Variants in GNE observed in about 807,000 individuals in gnomAD.
GNE encodes bifunctional UDP-N-acetylglucosamine 2-epimerase/N-acetylmannosamine kinase.
A neutral mutation model predicts 61.8 loss-of-function variants in GNE; 41 were observed. The ratio of observed to expected loss-of-function variants is 0.66; its 90% confidence interval spans 0.52 to 0.86. The LOEUF (loss-of-function observed/expected upper bound fraction) is 0.86, where lower values mean the gene tolerates loss of function less well. Ranked by LOEUF, GNE falls within the 40% of genes least tolerant of loss-of-function variation. GNE has a pLI of 0.00. For missense variants in GNE, 608 were observed against 909.1 expected (o/e 0.67, Z 4.26); for synonymous variants, 264 against 326.4 (o/e 0.81, Z 2.06).
At chr9:36,243,938 TTTTTTTGTTATTG>T (rs1363286192) in intron 3 of GNE, among the ~76,000 whole-genome samples, 1 of 141,760 alleles carries the variant, frequency 7.1e-6, no homozygotes. Flanking sequence ...TTCTGTGTTT[TTTTTTTGTTATTG>T]TTTTTTGTTT....
intron 8 of GNE, 68 bp downstream of exon 8, chr9:36,223,305 G>T: frequency 7.3e-7 from 1 of 1,373,330 alleles, no homozygotes; most frequent in Non-Finnish European, 1.0e-6. Context: ...GCTCAGGCAT[G>T]CATCACAAGT....
upstream of GNE, among the ~76,000 whole-genome samples, chr9:36,260,868 CAAAAAAAAAAAAAAAAAAA>C (rs745821430): frequency 3.5e-4 from 34 of 96,022 alleles, no homozygotes; most frequent in African/African-American, 1.1e-3. Context: ...GACTCTATCT[CAAAAAAAAAAAAAAAAAAA>C]AAAAAAAAAA....
At position 36,216,154 on chromosome 9, in the gene GNE, T is replaced by C; in HGVS notation, c.*1211A>G. The C allele has an allele frequency of 2.6e-6, 1 of 378,562 alleles. No homozygotes were observed. The highest frequency in any genetic ancestry group is 5.5e-6 in the Non-Finnish European group (1 of 180,748). The allele number at this position is 378,562 out of a possible 1,614,324, so 23.5% of individuals were successfully genotyped here. A position where few individuals can be genotyped will look rare whatever the true frequency, so the allele number is the denominator to read the frequency against. ...TGATAGATATGTCCAGTGTCTTGAT[T>C]GTGGTGATGCTTTCACAGGTATACA... On this transcript the variant is annotated 3_prime_UTR_variant, in exon 12 of 12. Coordinates refer to ENST00000642385, the MANE Select transcript of GNE (RefSeq NM_005476.7).
At position 36,218,346 on chromosome 9, in the gene GNE, G is replaced by T; in HGVS notation, c.1817-47C>A. On this transcript the variant is annotated intron_variant, in intron 10 of 11. Transcript: ENST00000642385. The surrounding 1 kb of genome is among the most constrained non-coding windows in gnomAD (Gnocchi z 4.1). ...AGCAGTCACTAATGAGCTGTGGGGA[G>T]GCCAAGCTCACCACTGGGCCTGTGG... 7.3e-7 allele frequency: 1 copy of T among 1,374,698 alleles called. No individual in the cohort carries two copies. The highest frequency in any genetic ancestry group is 1.2e-5 in the South Asian group (1 of 86,264). The allele number at this position is 1,374,698 out of a possible 1,614,324, so 85.2% of individuals were successfully genotyped here. A position where few individuals can be genotyped will look rare whatever the true frequency, so the allele number is the denominator to read the frequency against.
rs114686013 is a variant in GNE at position 36,225,785 on chromosome 9, A to T, written c.1281+1463T>A. Among the ~76,000 whole-genome samples, 1,235 of 152,182 alleles carry T rather than the reference A, an allele frequency of 8.1e-3. 18 individuals are homozygous for T. The highest frequency in any genetic ancestry group is 0.028 in the African/African-American group (1,175 of 41,522). On this transcript the variant is annotated intron_variant, in intron 7 of 11. Coordinates refer to ENST00000642385, the MANE Select transcript of GNE (RefSeq NM_005476.7). ...AGGAAGACCTTGTCTCTAAAAAAAA[A>T]TTTTTTTAAATTAAGAGAATAAAAA...
intron 7 of GNE, among the ~76,000 whole-genome samples, chr9:36,225,480 C>A (rs1828819556): frequency 6.6e-6 from 1 of 152,044 alleles, no homozygotes; most frequent in Non-Finnish European, 1.5e-5. Flanking sequence ...ACAAAAAATA[C>A]AAAAATTAGC....
chr9:36,253,794 T>C (rs1026014992), intron 1 of GNE, among the ~76,000 whole-genome samples: 1 of 151,588 alleles, frequency 6.6e-6, no homozygotes, highest in African/African-American at 2.4e-5. Flanking sequence ...TCCCAGCACT[T>C]TGGGAGGCTG....
Position 36,218,212 on chromosome 9 carries a change from T to C in GNE, c.1904A>G (p.Asn635Ser). The C allele has an allele frequency of 1.9e-6, 3 of 1,613,834 alleles. No homozygotes were observed. The highest frequency in any genetic ancestry group is 2.2e-5 in the South Asian group (2 of 91,080). Residue 635 changes from asparagine to serine, a missense_variant, in exon 11 of 12, where the codon AAT becomes AGT. Transcript: ENST00000642385. The surrounding 1 kb of genome is among the most constrained non-coding windows in gnomAD (Gnocchi z 4.1). The stretch of plus-strand genomic sequence containing the variant: ...TCTTAGGATGCTCTGGGCCTTCGCA[T>C]TGCCAAGTTTCGCAGCTTGGATGAG... ...LHLIQAAKLG[N>S]AKAQSILRTA...
At chr9:36,243,934 G>T (rs995797379) in intron 3 of GNE, among the ~76,000 whole-genome samples, 2 of 144,190 alleles carry the variant, frequency 1.4e-5, no homozygotes, top group African/African-American at 5.2e-5. Context: ...TTCTTTCTGT[G>T]TTTTTTTTTT....
intron 4 of GNE, among the ~76,000 whole-genome samples, chr9:36,235,960 T>A (rs1279493136): frequency 6.6e-6 from 1 of 152,162 alleles, no homozygotes; most frequent in Non-Finnish European, 1.5e-5. Flanking sequence ...CCCCATTAAC[T>A]CGCCTAAGGT....
chr9:36,223,499 C>A lies in GNE; in HGVS notation c.1285G>T (p.Glu429Ter). ...AACTGAGTATACTTCTTAACTATTT[C>A]ACCCTAAAAGAGAAAACAACAAGTT... is the stretch of plus-strand genomic sequence containing the variant. ...LRVAIVSMKG[E>*]IVKKYTQFNP... The change falls in exon 8 of 12, where the codon GAA becomes TAA. Residue 429 changes from glutamate to a stop codon, truncating the protein, a stop_gained. Coordinates refer to ENST00000642385, the MANE Select transcript of GNE (RefSeq NM_005476.7). LOFTEE classifies it high-confidence loss of function. The A allele has an allele frequency of 6.2e-7, 1 of 1,609,740 alleles. No homozygotes were observed. The highest frequency in any genetic ancestry group is 8.5e-7 in the Non-Finnish European group (1 of 1,177,214).
upstream of GNE, among the ~76,000 whole-genome samples, chr9:36,261,220 C>T (rs1587372141): frequency 6.6e-6 from 1 of 152,176 alleles, no homozygotes; most frequent in African/African-American, 2.4e-5. Flanking sequence ...TGCAAAGTCC[C>T]TCTTGCCAAG....
chr9:36,222,145 G>A (rs992379230), intron 9 of GNE, among the ~76,000 whole-genome samples: 12 of 152,120 alleles, frequency 7.9e-5, no homozygotes, highest in Admixed American at 5.9e-4. Context: ...TCGGCCGGGC[G>A]CGGTGGCTCA....
At chr9:36,247,945 G>T (rs946703443) in intron 2 of GNE, among the ~76,000 whole-genome samples, 34 of 146,644 alleles carry the variant, frequency 2.3e-4, no homozygotes, top group South Asian at 8.7e-4. Context: ...AGAATCACTT[G>T]AACCCGGGAG....
chr9:36,265,703 TG>T, intron 1 of GNE: 2 of 312,438 alleles, frequency 6.4e-6, no homozygotes, highest in Non-Finnish European at 6.5e-6. Flanking sequence ...CCATGGGAAG[TG>T]GGGGTGGGGA....
At position 36,218,999 on chromosome 9, in the gene GNE, A is replaced by G. The variant is rs2133001385; in HGVS notation, c.1817-700T>C. On this transcript the variant is annotated intron_variant, in intron 10 of 11. Transcript: ENST00000642385. The surrounding 1 kb of genome is among the most constrained non-coding windows in gnomAD (Gnocchi z 4.1). Reference sequence around the variant, plus strand: ...ACTCAGATCAATCTGCCTCCTACTAATCTGCTAGAATATCTGGACCCTGAA... The same window carrying G: ...ACTCAGATCAATCTGCCTCCTACTAGTCTGCTAGAATATCTGGACCCTGAA... Among the ~76,000 whole-genome samples, 2 of 152,220 alleles carry G rather than the reference A, an allele frequency of 1.3e-5. No individual in the cohort carries two copies. Among genetic ancestry groups the G allele is most frequent in the Middle Eastern group, 6.8e-3 (2 of 294 alleles).
chr9:36,269,552 C>T (rs1273228133), intron 1 of GNE, among the ~76,000 whole-genome samples: 1 of 151,990 alleles, frequency 6.6e-6, no homozygotes, highest in Non-Finnish European at 1.5e-5. Flanking sequence ...CATTCAGACT[C>T]AAAATCATGG....
intron 1 of GNE, among the ~76,000 whole-genome samples, chr9:36,264,790 G>A (rs1044543388): frequency 2.6e-5 from 4 of 152,148 alleles, no homozygotes. Flanking sequence ...AAAAACAGGA[G>A]GTAAAGAACT....
At chr9:36,234,306 C>G (rs963813542) in intron 4 of GNE, among the ~76,000 whole-genome samples, 174 bp from the exon 5 acceptor site, 8 of 152,304 alleles carry the variant, frequency 5.3e-5, no homozygotes, top group African/African-American at 1.9e-4. Flanking sequence ...TCTAAAATGT[C>G]CTCTGCTTCA....
Sources: allele counts gnomAD v4.1 joint callset (sites outside exome capture counted in the v4.1 genomes callset), GRCh38; gene constraint gnomAD v4.1.1; non-coding constraint Gnocchi (gnomAD v3.1); transcripts MANE v1.5; gene names NCBI Gene and HGNC (gene_info 2026-07-23, HGNC 2026-07-21).